Variants in MICAL2 observed in about 807,000 individuals in gnomAD.
MICAL2 encodes the protein microtubule associated monooxygenase, calponin and LIM domain containing 2.
A neutral mutation model predicts 127.3 loss-of-function variants in MICAL2; 77 were observed. The observed-to-expected ratio is 0.60, with a 90% CI of 0.50 to 0.73. The LOEUF is 0.73. Ranked by LOEUF, MICAL2 falls within the 30% of genes least tolerant of loss-of-function variation. The pLI, the probability that MICAL2 is intolerant of heterozygous loss-of-function variation, is 0.00. For synonymous variants in MICAL2, 570 were observed against 551.1 expected (o/e 1.03, Z -0.48); for missense variants, 1,351 against 1,434.4 (o/e 0.94, Z 0.94).
intron 16 of MICAL2, among the ~76,000 whole-genome samples, chr11:12,236,707 T>C (rs1400136187): frequency 6.6e-6 from 1 of 152,250 alleles, no homozygotes; most frequent in Non-Finnish European, 1.5e-5. Context: ...TGCCACCTTC[T>C]GGTGAAAGAA....
chr11:12,226,371 G>A lies in MICAL2; in HGVS notation c.1888+1G>A, dbSNP rs750901210. ...CGGGGCACCCCACTGAGGCCCGTGG[G>A]TAAGCACCTGCACAGAGGTTTTGCT... is the stretch of plus-strand genomic sequence containing the variant. On this transcript the variant is annotated splice_donor_variant, in intron 14 of 27. Transcript: ENST00000683283. LOFTEE classifies it high-confidence loss of function. The A allele has an allele frequency of 1.2e-6, 2 of 1,613,808 alleles. No individual in the cohort carries two copies. Among genetic ancestry groups the A allele is most frequent in the Admixed American group, 3.3e-5 (2 of 60,022 alleles).
chr11:12,136,019 T>C (rs1851804524), intron 1 of MICAL2, among the ~76,000 whole-genome samples: 1 of 152,152 alleles, frequency 6.6e-6, no homozygotes, highest in African/African-American at 2.4e-5. Flanking sequence ...GTCCAAGTGC[T>C]GGGGTCCCTC....
chr11:12,357,689 T>C (rs1473059817), intron 34 of MICAL2, among the ~76,000 whole-genome samples: 3 of 151,826 alleles, frequency 2.0e-5, no homozygotes, highest in Non-Finnish European at 4.4e-5. Context: ...ACACAAAAAA[T>C]TGGCCAGGCG....
intron 31 of MICAL2, among the ~76,000 whole-genome samples, chr11:12,326,937 T>C (rs538823920): frequency 6.6e-6 from 1 of 152,328 alleles, no homozygotes; most frequent in South Asian, 2.1e-4. Flanking sequence ...TGTTTTAATG[T>C]CTACTTAAGG....
rs185919690 is a variant in MICAL2 at position 12,262,707 on chromosome 11, C to T, written c.*17+170C>T. On this transcript the variant is annotated intron_variant, in intron 27 of 27. Transcript: ENST00000683283. ...TAACAGCATGGCGGGGGGTGTTCAG[C>T]TTGAGACCCATGCCTGTGTTCATTT... 482 of 625,862 alleles carry T rather than the reference C, an allele frequency of 7.7e-4. 2 individuals are homozygous for T. In the African/African-American group the frequency reaches 8.4e-3, roughly 11 times the overall value. 38.8% of individuals were successfully genotyped at this position (625,862 alleles called of 1,614,324 possible). A position where few individuals can be genotyped will look rare whatever the true frequency, so the allele number is the denominator to read the frequency against.
chr11:12,358,216 C>A, intron 34 of MICAL2: 1 of 1,387,338 alleles, frequency 7.2e-7, no homozygotes, highest in Non-Finnish European at 9.9e-7. Context: ...AAGTCCATAA[C>A]AATCGAGAAT....
downstream of MICAL2, among the ~76,000 whole-genome samples, chr11:12,268,710 G>C (rs558924169): frequency 2.6e-5 from 4 of 152,318 alleles, no homozygotes; most frequent in East Asian, 7.7e-4. Flanking sequence ...GGCCAACTCG[G>C]CCGGGCGCGG....
At chr11:12,318,944 C>T (rs1265023357) in intron 29 of MICAL2, among the ~76,000 whole-genome samples, 1 of 152,180 alleles carries the variant, frequency 6.6e-6, no homozygotes, top group East Asian at 1.9e-4. Context: ...CTCCCTTGGG[C>T]CCTGTGTTGT....
downstream of MICAL2, among the ~76,000 whole-genome samples, chr11:12,292,935 C>G (rs982138849): frequency 6.6e-6 from 1 of 152,062 alleles, no homozygotes; most frequent in Admixed American, 6.5e-5. Context: ...CCCTCTTTGC[C>G]AAGGGCCAAG....
intron 15 of MICAL2, among the ~76,000 whole-genome samples, chr11:12,234,234 G>C (rs562428772): frequency 1.3e-5 from 2 of 151,836 alleles, no homozygotes; most frequent in South Asian, 4.2e-4. Context: ...TGGGCTTGTT[G>C]AGTACAAAAG....
At chr11:12,358,781 C>T (rs1331395693), downstream of MICAL2, 1 of 197,224 alleles carries the variant, frequency 5.1e-6, no homozygotes, top group Non-Finnish European at 1.0e-5. Flanking sequence ...GACACAAAGA[C>T]TTGACTTTCC....
chr11:12,124,852 T>C (rs752796625), intron 1 of MICAL2, among the ~76,000 whole-genome samples: 2 of 152,224 alleles, frequency 1.3e-5, no homozygotes, highest in Non-Finnish European at 2.9e-5. Flanking sequence ...TCTTTGAGTC[T>C]CCAGCACCAA....
At chr11:12,354,101 C>G (rs11822128) in intron 33 of MICAL2, among the ~76,000 whole-genome samples, 10,643 of 152,272 alleles carry the variant, frequency 0.07, 925 homozygotes, top group African/African-American at 0.2. Context: ...AGCTGCTCCC[C>G]CTGGTCTCTT....
At position 12,173,136 on chromosome 11, in the gene MICAL2, G is replaced by T. The variant is rs533520397; in HGVS notation, c.264+10717G>T. Among the ~76,000 whole-genome samples the T allele has an allele frequency of 8.5e-5, 13 of 152,284 alleles. No homozygotes were observed. In the South Asian group the frequency reaches 2.1e-3, roughly 24 times the overall value. Reference sequence around the variant, plus strand: ...CGAGTCTATTATAATTTCAGAGGCTGCTCAGAGCCTTTGGCTCTATGTGAC... The same window carrying T: ...CGAGTCTATTATAATTTCAGAGGCTTCTCAGAGCCTTTGGCTCTATGTGAC... On this transcript the variant is annotated intron_variant, in intron 3 of 27. Transcript: ENST00000683283.
At position 12,242,237 on chromosome 11, in the gene MICAL2, G is replaced by T. The variant is rs770772950; in HGVS notation, c.2361G>T (p.Gly787=). ...KRQFPSVVVT[G]HVLRELKQVS... ...AGTTCCCCTCTGTGGTCGTGACGGG[G>T]CACGTGCTCAGAGAGCTCAAGCAAG... The change falls in exon 19 of 28, where the codon GGG becomes GGT. Residue 787 remains glycine (G), a synonymous_variant. Coordinates refer to ENST00000683283, the MANE Select transcript of MICAL2 (RefSeq NM_001282663.2). 39 of 1,610,144 alleles carry T rather than the reference G, an allele frequency of 2.4e-5. No homozygotes were observed. In the South Asian group the frequency reaches 4.0e-4, roughly 16 times the overall value.
chr11:12,269,731 T>C (rs1351210657), intron 24 of MICAL2, among the ~76,000 whole-genome samples: 4 of 152,214 alleles, frequency 2.6e-5, no homozygotes, highest in Non-Finnish European at 5.9e-5. Context: ...GTTTACATTT[T>C]AATTTATTGG....
intron 22 of MICAL2, chr11:12,254,454 G>C (rs1251693750): frequency 6.6e-6 from 1 of 152,360 alleles, no homozygotes; most frequent in Non-Finnish European, 1.5e-5. Flanking sequence ...CCGGGGACAA[G>C]GGGTCTCTGG....
intron 29 of MICAL2, among the ~76,000 whole-genome samples, chr11:12,300,330 G>T (rs1204319747): frequency 6.6e-6 from 1 of 152,108 alleles, no homozygotes; most frequent in Non-Finnish European, 1.5e-5. Flanking sequence ...AATACGGTGG[G>T]AACATAAATA....
intron 2 of MICAL2, among the ~76,000 whole-genome samples, chr11:12,161,261 T>C (rs1160327627): frequency 6.6e-6 from 1 of 152,256 alleles, no homozygotes; most frequent in East Asian, 1.9e-4. Flanking sequence ...GAAAGGACCA[T>C]GGCCAAAGCC....
Sources: gnomAD v4.1 joint callset for allele counts (sites outside exome capture counted in the v4.1 genomes callset) on GRCh38, gnomAD v4.1.1 for gene constraint, MANE v1.5 for transcripts, NCBI Gene and HGNC (gene_info 2026-07-23, HGNC 2026-07-21) for gene names.